Variants in UBE2E1 observed in about 807,000 individuals in gnomAD.
UBE2E1 encodes ubiquitin-conjugating enzyme E2 E1.
A neutral mutation model predicts 21.4 loss-of-function variants in UBE2E1; 6 were observed. That is an observed-to-expected ratio of 0.28 (90% CI 0.15 to 0.55). UBE2E1 has a LOEUF of 0.55. Ranked by LOEUF, UBE2E1 falls within the 20% of genes least tolerant of loss-of-function variation. UBE2E1 has a pLI of 0.93. For synonymous variants in UBE2E1, 87 were observed against 82.7 expected (o/e 1.05, Z -0.28); for missense variants, 142 against 236.5 (o/e 0.60, Z 2.62).
At chr3:23,846,589 G>A (rs746915077) in intron 3 of UBE2E1, among the ~76,000 whole-genome samples, 10 of 151,796 alleles carry the variant, frequency 6.6e-5, no homozygotes, top group Non-Finnish European at 1.0e-4. Flanking sequence ...CCAGCTACTC[G>A]GGAGGCTGAG....
At chr3:23,868,382 C>T (rs1274565830) in intron 3 of UBE2E1, among the ~76,000 whole-genome samples, 3 of 152,092 alleles carry the variant, frequency 2.0e-5, no homozygotes, top group African/African-American at 7.2e-5. Flanking sequence ...CGATCTCACT[C>T]ACTGCAACCC....
At chr3:23,884,989 T>C (rs528009392) in intron 3 of UBE2E1, among the ~76,000 whole-genome samples, 12 of 152,356 alleles carry the variant, frequency 7.9e-5, no homozygotes, top group African/African-American at 2.9e-4. Flanking sequence ...CCAGTGTCTC[T>C]AGACTTTCTT....
At chr3:23,826,036 T>C (rs1489681558) in intron 3 of UBE2E1, among the ~76,000 whole-genome samples, 1 of 152,156 alleles carries the variant, frequency 6.6e-6, no homozygotes, top group South Asian at 2.1e-4. Flanking sequence ...CTGGGCAACA[T>C]AGTGAGATCC....
At position 23,863,050 on chromosome 3, in the gene UBE2E1, TTGTTAAA is replaced by T. The variant is rs1283859171; in HGVS notation, c.204-24516_204-24510del. ...TTTAAAGGCTTTAATATTTCTTTGTTTGTTAAAAAAAAAAAAAAAAACTATTCCCAGC... is the reference window on the plus strand; with the variant it reads ...TTTAAAGGCTTTAATATTTCTTTGTTAAAAAAAAAAAAAACTATTCCCAGC... On this transcript the variant is annotated intron_variant, in intron 3 of 5. Coordinates refer to ENST00000306627, the MANE Select transcript of UBE2E1 (RefSeq NM_003341.5). The surrounding 1 kb of genome is among the most constrained non-coding windows in gnomAD (Gnocchi z 4.3). Among the ~76,000 whole-genome samples the T allele has an allele frequency of 6.8e-5, 5 of 73,182 alleles. No homozygotes were observed. Among genetic ancestry groups the T allele is most frequent in the Admixed American group, 6.3e-4 (4 of 6,312 alleles). The allele number at this position is 73,182 out of a possible 152,430, so 48.0% of individuals were successfully genotyped here.
chr3:23,864,791 T>C (rs1239650264), intron 3 of UBE2E1, among the ~76,000 whole-genome samples: 2 of 152,234 alleles, frequency 1.3e-5, no homozygotes, highest in Non-Finnish European at 2.9e-5. Flanking sequence ...GTCTTTCCTC[T>C]GAGTCGCTCA....
In UBE2E1 at chr3:23,810,987, G is replaced by T; in HGVS notation, c.153-473G>T. 1 of 165,172 alleles carries T rather than the reference G, an allele frequency of 6.1e-6. No homozygotes were observed. The highest frequency in any genetic ancestry group is 1.3e-5 in the Non-Finnish European group (1 of 76,126). 10.2% of individuals were successfully genotyped at this position (165,172 alleles called of 1,614,324 possible). A position where few individuals can be genotyped will look rare whatever the true frequency, so the allele number is the denominator to read the frequency against. On this transcript the variant is annotated intron_variant, in intron 2 of 5. Transcript: ENST00000306627. This position sits in a 1 kb window ranked among gnomAD's most constrained non-coding sequence, Gnocchi z 5.8. ...CGGGTCGGGTGTTGAGCGAGGCCTC[G>T]GACCTTCGGCCTGTCGGGGGCGCCC...
chr3:23,858,186 A>T (rs1214958854), intron 3 of UBE2E1, among the ~76,000 whole-genome samples: 1 of 152,198 alleles, frequency 6.6e-6, no homozygotes, highest in Admixed American at 6.5e-5. Flanking sequence ...TAAATTCTGG[A>T]TTTCAATGCA....
chr3:23,858,690 C>G (rs908892506), intron 3 of UBE2E1, among the ~76,000 whole-genome samples: 2 of 152,154 alleles, frequency 1.3e-5, no homozygotes, highest in Non-Finnish European at 2.9e-5. Flanking sequence ...AAATGTAATG[C>G]TTTCTCTTAT....
chr3:23,808,233 T>G lies in UBE2E1; in HGVS notation c.152+812T>G, dbSNP rs1286846670. On this transcript the variant is annotated intron_variant, in intron 2 of 5. Transcript: ENST00000306627. The surrounding 1 kb of genome is among the most constrained non-coding windows in gnomAD (Gnocchi z 4.9). Reference sequence around the variant, plus strand: ...CCATCCTAAGCGGTCACCCTTTTTCTTTATTCTTTTCCTCTTAAGCCTCTG... The same window carrying G: ...CCATCCTAAGCGGTCACCCTTTTTCGTTATTCTTTTCCTCTTAAGCCTCTG... Among the ~76,000 whole-genome samples the G allele has an allele frequency of 6.6e-6, 1 of 152,182 alleles. No individual in the cohort carries two copies. Among genetic ancestry groups the G allele is most frequent in the East Asian group, 1.9e-4 (1 of 5,190 alleles).
chr3:23,889,384 T>C, intron 5 of UBE2E1, 125 bp downstream of exon 5: 4 of 1,523,198 alleles, frequency 2.6e-6, no homozygotes, highest in Admixed American at 4.4e-5. Flanking sequence ...ACTAATCGGC[T>C]TTTCAAAAGA....
intron 3 of UBE2E1, among the ~76,000 whole-genome samples, chr3:23,856,754 G>A (rs1401988616): frequency 6.6e-6 from 1 of 152,128 alleles, no homozygotes; most frequent in Non-Finnish European, 1.5e-5. Context: ...GGGGAGTTCA[G>A]AGGTTAGAGG....
chr3:23,831,721 G>C (rs1479733677), intron 3 of UBE2E1, among the ~76,000 whole-genome samples: 1 of 147,202 alleles, frequency 6.8e-6, no homozygotes, highest in African/African-American at 2.5e-5. Context: ...CTGTGAGACA[G>C]AGTCTCACTC....
At chr3:23,854,005 C>T (rs1335847376) in intron 3 of UBE2E1, among the ~76,000 whole-genome samples, 1 of 152,142 alleles carries the variant, frequency 6.6e-6, no homozygotes, top group African/African-American at 2.4e-5. Context: ...TGCCTGTAAT[C>T]CCAGCACTTT....
At chr3:23,871,791 C>G (rs1213337443) in intron 3 of UBE2E1, among the ~76,000 whole-genome samples, 1 of 151,738 alleles carries the variant, frequency 6.6e-6, no homozygotes, top group Non-Finnish European at 1.5e-5. Context: ...CGGGCAGAGA[C>G]ACTCCTCACT....
chr3:23,881,048 C>T (rs942832015), intron 3 of UBE2E1, among the ~76,000 whole-genome samples: 3 of 152,134 alleles, frequency 2.0e-5, no homozygotes, highest in African/African-American at 7.2e-5. Flanking sequence ...AAAATGTCTC[C>T]AGGATTGTAG....
In UBE2E1 at chr3:23,887,889, A is replaced by AT. The variant is rs531054187; in HGVS notation, c.336+192dup. 4.8e-4 allele frequency: 342 copies of AT among 706,332 alleles called. No homozygotes were observed. The African/African-American group carries it at 5.4e-3, about 11-fold the overall frequency. The allele number at this position is 706,332 out of a possible 1,614,324, so 43.8% of individuals were successfully genotyped here. The stretch of plus-strand genomic sequence containing the variant: ...CTTATCTGGCAGAGACCATTCTAGG[A>AT]TTAAGTGCTTTGTTTTGATGGTGCT... On this transcript the variant is annotated intron_variant, in intron 4 of 5. Transcript: ENST00000306627. This position sits in a 1 kb window ranked among gnomAD's most constrained non-coding sequence, Gnocchi z 4.4.
chr3:23,814,518 A>C (rs957212257), intron 3 of UBE2E1, among the ~76,000 whole-genome samples: 1 of 152,208 alleles, frequency 6.6e-6, no homozygotes, highest in African/African-American at 2.4e-5. Context: ...ACACACACAC[A>C]CAAAATAGTT....
intron 3 of UBE2E1, among the ~76,000 whole-genome samples, chr3:23,856,150 C>T (rs1700430835): frequency 6.6e-6 from 1 of 152,104 alleles, no homozygotes; most frequent in African/African-American, 2.4e-5. Flanking sequence ...CCTCAGCCTC[C>T]CGAGTAACTG....
At position 23,842,790 on chromosome 3, in the gene UBE2E1, G is replaced by A. The variant is rs1012359266; in HGVS notation, c.203+31280G>A. On this transcript the variant is annotated intron_variant, in intron 3 of 5. Coordinates refer to ENST00000306627, the MANE Select transcript of UBE2E1 (RefSeq NM_003341.5). The surrounding 1 kb of genome is among the most constrained non-coding windows in gnomAD (Gnocchi z 4.6). ...AATAAAGATTTCTAATTGTACAACAGTAAATGGAATAAACAATAATAACTT... is the reference window on the plus strand; with the variant it reads ...AATAAAGATTTCTAATTGTACAACAATAAATGGAATAAACAATAATAACTT... 1.3e-5 allele frequency among the ~76,000 whole-genome samples: 2 copies of A among 152,128 alleles called. No individual in the cohort carries two copies. The highest frequency in any genetic ancestry group is 2.4e-5 in the African/African-American group (1 of 41,434).
Sources: gnomAD v4.1 joint callset for allele counts (sites outside exome capture counted in the v4.1 genomes callset) on GRCh38, gnomAD v4.1.1 for gene constraint, Gnocchi (gnomAD v3.1) non-coding constraint, MANE v1.5 for transcripts, NCBI Gene and HGNC (gene_info 2026-07-23, HGNC 2026-07-21) for gene names.